HMGXB4: variants seen among roughly 807,000 people sequenced by gnomAD.
HMGXB4 encodes HMG domain-containing protein 4.
Under a neutral mutation model 63.9 loss-of-function variants are expected in HMGXB4, and 27 were observed. That is an observed-to-expected ratio of 0.42 (90% CI 0.31 to 0.58). The LOEUF (loss-of-function observed/expected upper bound fraction) is 0.58, where lower values mean the gene tolerates loss of function less well. Ranked by LOEUF, HMGXB4 falls within the 20% of genes least tolerant of loss-of-function variation. HMGXB4 has a pLI of 0.13. For missense variants in HMGXB4, 624 were observed against 700.7 expected, an observed-to-expected ratio of 0.89 and a Z score of 1.24; for synonymous variants, 264 against 265.3, an observed-to-expected ratio of 0.99 and a Z score of 0.05.
At chr22:35,272,027 G>T (rs1346705907) in intron 5 of HMGXB4, among the ~76,000 whole-genome samples, 1 of 152,182 alleles carries the variant, frequency 6.6e-6, no homozygotes, top group Non-Finnish European at 1.5e-5. Context: ...TCAAGACCCA[G>T]AATTTGGCTG....
At chr22:35,287,205 A>C (rs1924641272) in intron 7 of HMGXB4, 142 bp from the exon 8 acceptor site, 3 of 635,716 alleles carry the variant, frequency 4.7e-6, no homozygotes, top group Non-Finnish European at 5.6e-6. Context: ...GGTGACCCCC[A>C]GCTTAAAAGT....
chr22:35,253,907 TAC>T (rs1321016134), upstream of HMGXB4, among the ~76,000 whole-genome samples: 1 of 152,342 alleles, frequency 6.6e-6, no homozygotes, highest in African/African-American at 2.4e-5. Flanking sequence ...ATTTAGGGCA[TAC>T]ACACAGACTG....
intron 2 of HMGXB4, chr22:35,262,782 G>C (rs369117262): frequency 7.9e-6 from 4 of 504,324 alleles, no homozygotes; most frequent in Admixed American, 7.5e-5. Flanking sequence ...TCAGCCTTTC[G>C]TCTGCAAGTC....
chr22:35,288,687 T>C (rs1924740496), intron 9 of HMGXB4, among the ~76,000 whole-genome samples: 1 of 152,216 alleles, frequency 6.6e-6, no homozygotes, highest in African/African-American at 2.4e-5. Flanking sequence ...ATTTTTATTT[T>C]TTTAAAATGC....
At position 35,265,261 on chromosome 22, in the gene HMGXB4, G is replaced by A. The variant is rs780692718; in HGVS notation, c.873G>A (p.Leu291=). ...ATCTTTCAGGGCTTGAACCTATTCT[G>A]GTAGAATCAGACTCATCCTCTGGTG... The part of the protein sequence containing the change: ...NLDLSGLEPI[L]VESDSSSGGE... Residue 291 remains leucine (L), a synonymous_variant, in exon 5 of 11, where the codon CTG becomes CTA. Coordinates refer to ENST00000216106, the MANE Select transcript of HMGXB4 (RefSeq NM_001003681.3). 1.9e-5 allele frequency: 31 copies of A among 1,614,066 alleles called. No homozygotes were observed. Among genetic ancestry groups the A allele is most frequent in the Non-Finnish European group, 2.6e-5 (31 of 1,180,016 alleles).
chr22:35,262,461 T>G (rs200126660), intron 2 of HMGXB4, 40 bp downstream of exon 2: 354 of 1,579,238 alleles, frequency 2.2e-4, no homozygotes, highest in Non-Finnish European at 1.8e-4. Flanking sequence ...AAAGGGGGTA[T>G]CCTCTTCAAT....
intron 10 of HMGXB4, 59 bp downstream of exon 10, chr22:35,293,173 T>C (rs1261432670): frequency 6.3e-7 from 1 of 1,592,784 alleles, no homozygotes; most frequent in Non-Finnish European, 8.6e-7. Flanking sequence ...TGCCCTGCCT[T>C]AATGAGCACT....
chr22:35,259,729 TA>T (rs1157146900), intron 1 of HMGXB4, among the ~76,000 whole-genome samples: 1 of 152,252 alleles, frequency 6.6e-6, no homozygotes, highest in Non-Finnish European at 1.5e-5. Flanking sequence ...TGTTTAATTT[TA>T]GTTTTTCAAG....
chr22:35,262,910 T>A (rs1922953528), intron 2 of HMGXB4, 168 bp from the exon 3 acceptor site: 2 of 654,020 alleles, frequency 3.1e-6, no homozygotes, highest in Non-Finnish European at 5.3e-6. Context: ...AGCTAGGTCA[T>A]CAAGAAATAT....
intron 1 of HMGXB4, among the ~76,000 whole-genome samples, chr22:35,261,546 A>G (rs1922857845): frequency 6.6e-6 from 1 of 151,132 alleles, no homozygotes; most frequent in African/African-American, 2.5e-5. Context: ...GTAAAAATTC[A>G]ATAAAAAATA....
chr22:35,284,467 A>G (rs748596355), intron 6 of HMGXB4, among the ~76,000 whole-genome samples: 27 of 152,222 alleles, frequency 1.8e-4, no homozygotes, highest in Non-Finnish European at 3.8e-4. Flanking sequence ...CTGTAAGTCA[A>G]AAATGCATTT....
At chr22:35,293,165 C>T in intron 10 of HMGXB4, 51 bp downstream of exon 10, 1 of 1,608,748 alleles carries the variant, frequency 6.2e-7, no homozygotes, top group Admixed American at 1.7e-5. Flanking sequence ...GTCAGAGATG[C>T]CCTGCCTTAA....
At chr22:35,274,405 C>G (rs1383737221) in intron 5 of HMGXB4, among the ~76,000 whole-genome samples, 1 of 152,184 alleles carries the variant, frequency 6.6e-6, no homozygotes, top group African/African-American at 2.4e-5. Context: ...TGCTGCCAGG[C>G]TGGCCTTCTA....
chr22:35,277,955 C>T (rs768491473), intron 5 of HMGXB4, among the ~76,000 whole-genome samples: 55 of 152,254 alleles, frequency 3.6e-4, no homozygotes, highest in East Asian at 5.8e-4. Flanking sequence ...GACACGTATC[C>T]GCCATCACAG....
chr22:35,267,173 A>G (rs1221152418), intron 5 of HMGXB4, among the ~76,000 whole-genome samples: 1 of 147,668 alleles, frequency 6.8e-6, no homozygotes, highest in Non-Finnish European at 1.5e-5. Context: ...AAAATAATAT[A>G]TTATATATAT....
chr22:35,249,915 C>A, the HMGXB4 span: 6 of 98,618 alleles, frequency 6.1e-5, no homozygotes, highest in African/African-American at 1.5e-4. Context: ...GAGGGAGAGG[C>A]AGCAGTTCTG....
intron 5 of HMGXB4, among the ~76,000 whole-genome samples, chr22:35,272,540 T>G (rs554889144): frequency 3.3e-5 from 5 of 152,236 alleles, no homozygotes; most frequent in African/African-American, 1.2e-4. Flanking sequence ...ATCATCTCAT[T>G]GCAGTGGAAG....
intron 5 of HMGXB4, among the ~76,000 whole-genome samples, chr22:35,268,433 C>A (rs1923404043): frequency 6.6e-6 from 1 of 152,226 alleles, no homozygotes; most frequent in African/African-American, 2.4e-5. Flanking sequence ...TTCCCTTCTA[C>A]ACTTACTGTA....
Position 35,263,290 on chromosome 22 carries a change from G to A in HMGXB4, c.180+64G>A, listed in dbSNP as rs573534603. The A allele has an allele frequency of 1.5e-4, 150 of 987,656 alleles. 1 individual carries two copies. Among genetic ancestry groups the A allele is most frequent in the Non-Finnish European group, 2.0e-4 (138 of 678,236 alleles). The allele number at this position is 987,656 out of a possible 1,614,324, so 61.2% of individuals were successfully genotyped here. On this transcript the variant is annotated intron_variant, in intron 3 of 10. Coordinates refer to ENST00000216106, the MANE Select transcript of HMGXB4 (RefSeq NM_001003681.3). ...ACTCATTTTTTTTTGGTGATGCAGA[G>A]TTTTTTTTTGTTTTTTTTTTTTTTC...
Sources: allele counts gnomAD v4.1 joint callset (sites outside exome capture counted in the v4.1 genomes callset), GRCh38; gene constraint gnomAD v4.1.1; transcripts MANE v1.5; gene names NCBI Gene and HGNC (gene_info 2026-07-23, HGNC 2026-07-21).